MEGF11: variants seen among roughly 807,000 people sequenced by gnomAD.
The protein encoded by MEGF11 is multiple EGF like domains 11.
In MEGF11, 126 loss-of-function variants were observed where a neutral mutation model predicts 146.6. The ratio of observed to expected loss-of-function variants is 0.86; its 90% confidence interval spans 0.74 to 1.00. The LOEUF (loss-of-function observed/expected upper bound fraction) is 1.00. MEGF11 is among the 50% of genes least tolerant of loss of function. MEGF11 has a pLI of 0.00. For missense variants in MEGF11, 1,509 were observed against 1,521.2 expected (o/e 0.99, Z 0.13); for synonymous variants, 532 against 583.4 (o/e 0.91, Z 1.27).
intron 5 of MEGF11, among the ~76,000 whole-genome samples, chr15:66,000,237 C>G (rs1463073612): frequency 1.3e-5 from 2 of 152,124 alleles, no homozygotes; most frequent in Non-Finnish European, 2.9e-5. Flanking sequence ...ACTGAGGGGT[C>G]TAGGGAATCA....
In MEGF11 at chr15:65,909,095, C is replaced by A. The variant is rs1297776096; in HGVS notation, c.2937G>T (p.Pro979=). ...FQISALEARY[P]PEDFYIELRH... ...TAAGTTCAATGTAGAAGTCCTCGGG[C>A]GGGTACCTGGCCTCCAGGGCACTGA... Residue 979 remains proline, a synonymous_variant, in exon 23 of 26, where the codon CCG becomes CCT. Transcript: ENST00000395614. 4.6e-6 allele frequency: 7 copies of A among 1,535,608 alleles called. No homozygotes were observed. The highest frequency in any genetic ancestry group is 2.4e-5 in the East Asian group (1 of 40,906).
chr15:66,185,999 C>T (rs2090687703), intron 1 of MEGF11, among the ~76,000 whole-genome samples: 1 of 152,162 alleles, frequency 6.6e-6, no homozygotes, highest in Admixed American at 6.5e-5. Context: ...ACTGAGGCAT[C>T]GGGACCACTT....
chr15:65,955,793 T>TATATATACAC (rs1555455862), intron 10 of MEGF11, among the ~76,000 whole-genome samples: 3 of 6,776 alleles, frequency 4.4e-4, no homozygotes, highest in East Asian at 0.011. Context: ...TATATATATA[T>TATATATACAC]ACACACACAC....
At position 66,237,206 on chromosome 15, in the gene MEGF11, G is replaced by A. The variant is rs1597168807; in HGVS notation, c.-9+16399C>T. On this transcript the variant is annotated intron_variant, in intron 1 of 25. Coordinates refer to ENST00000395614, the MANE Select transcript of MEGF11 (RefSeq NM_001385028.1). ...CACAGGAGGGCCTGGGTGAAGCCTG[G>A]ATGAAGAAACTCCCAGATGGACTCT... is the stretch of plus-strand genomic sequence containing the variant. Among the ~76,000 whole-genome samples the A allele has an allele frequency of 5.3e-5, 8 of 152,166 alleles. No individual in the cohort carries two copies. In the South Asian group the frequency reaches 1.7e-3, roughly 31 times the overall value.
chr15:66,099,861 G>A (rs1227150113), intron 4 of MEGF11, among the ~76,000 whole-genome samples: 2 of 152,184 alleles, frequency 1.3e-5, no homozygotes, highest in Non-Finnish European at 2.9e-5. Flanking sequence ...AGCGGGTGGG[G>A]AGGAAGGAGC....
chr15:65,965,575 T>TCTTC (rs2081040046), intron 8 of MEGF11, among the ~76,000 whole-genome samples: 1 of 24,996 alleles, frequency 4.0e-5, no homozygotes, highest in African/African-American at 1.1e-4. Context: ...GAGGTCCCTT[T>TCTTC]CTTTCTTTCT....
chr15:66,135,463 C>G (rs983326202), intron 1 of MEGF11, among the ~76,000 whole-genome samples: 1 of 152,156 alleles, frequency 6.6e-6, no homozygotes, highest in Admixed American at 6.5e-5. Context: ...AACACTTGCT[C>G]GAGGGGAGGT....
chr15:66,200,551 A>T (rs150546809), intron 1 of MEGF11, among the ~76,000 whole-genome samples: 61 of 152,180 alleles, frequency 4.0e-4, no homozygotes, highest in African/African-American at 1.4e-3. Flanking sequence ...AGTTATCCTC[A>T]TCCCTCCCCC....
At chr15:66,001,830 C>G (rs1323728000) in intron 5 of MEGF11, among the ~76,000 whole-genome samples, 1 of 152,120 alleles carries the variant, frequency 6.6e-6, no homozygotes, top group Non-Finnish European at 1.5e-5. Flanking sequence ...TTTTCTTTTC[C>G]TTTTAAAACA....
intron 1 of MEGF11, among the ~76,000 whole-genome samples, chr15:66,245,404 G>A (rs1285645194): frequency 6.6e-6 from 1 of 151,900 alleles, no homozygotes; most frequent in East Asian, 1.9e-4. Context: ...AAGGTGGGAG[G>A]ACTGCTTGAA....
At chr15:66,231,312 A>AC (rs2091963082) in intron 1 of MEGF11, among the ~76,000 whole-genome samples, 2 of 151,616 alleles carry the variant, frequency 1.3e-5, no homozygotes, top group African/African-American at 2.4e-5. Context: ...CTGCAGATGA[A>AC]CCCCCCTGAG....
At chr15:66,094,339 A>C (rs568124912) in intron 5 of MEGF11, 63 bp downstream of exon 5, 110 of 1,415,578 alleles carry the variant, frequency 7.8e-5, no homozygotes, top group Non-Finnish European at 1.0e-4. Context: ...TGCACACACC[A>C]CAACCCACTC....
intron 1 of MEGF11, among the ~76,000 whole-genome samples, chr15:66,252,483 A>G (rs1474555287): frequency 6.6e-6 from 1 of 152,132 alleles, no homozygotes; most frequent in Non-Finnish European, 1.5e-5. Context: ...CTCGGGAGAC[A>G]GTCACACTGG....
rs2078964586 is a variant in MEGF11 at position 65,915,512 on chromosome 15, A to G, written c.2431T>C (p.Cys811Arg). Residue 811 changes from cysteine (C) to arginine (R), a missense_variant, in exon 19 of 26, where the codon TGT (cysteine) becomes CGT (arginine). Transcript: ENST00000395614. Reference sequence around the variant, plus strand: ...CCTTTGAAGCCAGGGCTGCAGTAACAGGTGCCGGTGACATGGTCACAGGTG... The same window carrying G: ...CCTTTGAAGCCAGGGCTGCAGTAACGGGTGCCGGTGACATGGTCACAGGTG... ...NSTCDHVTGT[C>R]YCSPGFKGIR... 1 of 1,613,968 alleles carries G rather than the reference A, an allele frequency of 6.2e-7. No homozygotes were observed. Among genetic ancestry groups the G allele is most frequent in the Non-Finnish European group, 8.5e-7 (1 of 1,179,864 alleles).
intron 5 of MEGF11, among the ~76,000 whole-genome samples, chr15:65,992,628 TTCGGGGACTTTA>T (rs971295680): frequency 6.6e-6 from 1 of 151,370 alleles, no homozygotes; most frequent in African/African-American, 2.4e-5. Context: ...ATTTATCAAC[TTCGGGGACTTTA>T]TCAGGGACTT....
At chr15:66,113,430 C>CG (rs374400967) in intron 4 of MEGF11, among the ~76,000 whole-genome samples, 1 of 152,078 alleles carries the variant, frequency 6.6e-6, no homozygotes, top group African/African-American at 2.4e-5. Flanking sequence ...GTTCATTTGC[C>CG]GGGGGGAAAC....
At chr15:66,206,727 C>T (rs532298116) in intron 1 of MEGF11, among the ~76,000 whole-genome samples, 12 of 151,972 alleles carry the variant, frequency 7.9e-5, no homozygotes, top group Admixed American at 5.2e-4. Flanking sequence ...AGTGAAACCC[C>T]GTCTCTACTA....
At chr15:66,035,695 A>G (rs1463432112) in intron 5 of MEGF11, among the ~76,000 whole-genome samples, 2 of 152,216 alleles carry the variant, frequency 1.3e-5, no homozygotes, top group Non-Finnish European at 2.9e-5. Flanking sequence ...TACTTAGATT[A>G]AAAAGGAGAA....
At chr15:66,116,112 A>T (rs1283627261) in intron 4 of MEGF11, among the ~76,000 whole-genome samples, 1 of 152,060 alleles carries the variant, frequency 6.6e-6, no homozygotes, top group Non-Finnish European at 1.5e-5. Flanking sequence ...GCCTTTGCTG[A>T]TGGGGTTCCC....
Sources: allele counts gnomAD v4.1 joint callset (sites outside exome capture counted in the v4.1 genomes callset), GRCh38; gene constraint gnomAD v4.1.1; transcripts MANE v1.5; gene names NCBI Gene and HGNC (gene_info 2026-07-23, HGNC 2026-07-21).